Variants in GREB1L observed in about 807,000 individuals in gnomAD.
GREB1L encodes GREB1 like retinoic acid receptor coactivator.
GREB1L carries 17 observed loss-of-function variants against 200.8 expected under a neutral mutation model. That is an observed-to-expected ratio of 0.08 (90% CI 0.06 to 0.13). The LOEUF (loss-of-function observed/expected upper bound fraction) is 0.13, where lower values mean the gene tolerates loss of function less well. Among genes scored for constraint, GREB1L ranks in the 10% least tolerant of loss-of-function variants. The pLI is 1.00. For missense variants in GREB1L, 1,657 were observed against 2,367.7 expected, an observed-to-expected ratio of 0.70 and a Z score of 6.23; for synonymous variants, 789 against 893.0, an observed-to-expected ratio of 0.88 and a Z score of 2.08.
chr18:21,251,684 C>G (rs1431104416), intron 1 of GREB1L, among the ~76,000 whole-genome samples: 1 of 152,142 alleles, frequency 6.6e-6, no homozygotes, highest in African/African-American at 2.4e-5. Context: ...CGGTGGCTCA[C>G]ACCTGCAATC....
chr18:21,244,625 A>C (rs1331848288), intron 1 of GREB1L, among the ~76,000 whole-genome samples: 1 of 152,202 alleles, frequency 6.6e-6, no homozygotes, highest in East Asian at 1.9e-4. Context: ...TGGATGTTAG[A>C]CAGTGGGGCG....
At chr18:21,359,406 T>A (rs904396836) in intron 1 of GREB1L, among the ~76,000 whole-genome samples, 35 of 152,070 alleles carry the variant, frequency 2.3e-4, no homozygotes, top group African/African-American at 8.5e-4. Context: ...GCCGAGATTG[T>A]GCCATTGCAC....
intron 1 of GREB1L, among the ~76,000 whole-genome samples, chr18:21,344,709 G>A (rs16941100): frequency 0.2 from 30,185 of 152,150 alleles, 7,155 homozygotes; most frequent in African/African-American, 0.57. Context: ...ATACAACTTC[G>A]TAGGCCAGGT....
chr18:21,351,879 A>G (rs1242006421), intron 1 of GREB1L, among the ~76,000 whole-genome samples: 1 of 152,040 alleles, frequency 6.6e-6, no homozygotes, highest in Admixed American at 6.6e-5. Context: ...ACAGAGTCTC[A>G]ATCTGTCGCC....
intron 1 of GREB1L, among the ~76,000 whole-genome samples, chr18:21,321,694 A>C (rs1214042033): frequency 1.3e-5 from 2 of 152,170 alleles, no homozygotes; most frequent in Admixed American, 1.3e-4. Context: ...TCTCAAAAAA[A>C]ACAAAAACAA....
At chr18:21,435,835 AT>A (rs1302251486) in intron 7 of GREB1L, among the ~76,000 whole-genome samples, 5 of 152,172 alleles carry the variant, frequency 3.3e-5, no homozygotes, top group African/African-American at 7.2e-5. Context: ...GCATGGTTTG[AT>A]TTGAACTTGA....
In GREB1L at chr18:21,420,100, C is replaced by T. The variant is rs186473180; in HGVS notation, c.832+16106C>T. Among the ~76,000 whole-genome samples the T allele has an allele frequency of 5.3e-4, 80 of 152,208 alleles. 1 individual carries two copies. Among genetic ancestry groups the T allele is most frequent in the Middle Eastern group, 6.8e-3 (2 of 294 alleles). On this transcript the variant is annotated intron_variant, in intron 7 of 32. Coordinates refer to ENST00000424526, the MANE Select transcript of GREB1L (RefSeq NM_001142966.3). Reference sequence around the variant, plus strand: ...TGAAAAGACAAGCCACAGACGGGCGCGGTGGCTCACGCCTGTAATCCCAGC... The same window carrying T: ...TGAAAAGACAAGCCACAGACGGGCGTGGTGGCTCACGCCTGTAATCCCAGC...
intron 1 of GREB1L, among the ~76,000 whole-genome samples, chr18:21,305,804 A>G (rs1190030125): frequency 6.6e-6 from 1 of 151,846 alleles, no homozygotes; most frequent in Non-Finnish European, 1.5e-5. Flanking sequence ...CTTTCCTTTC[A>G]CTTACTGGCC....
chr18:21,384,544 C>T, intron 4 of GREB1L, 141 bp downstream of exon 4: 1 of 673,636 alleles, frequency 1.5e-6, no homozygotes, highest in Non-Finnish European at 2.5e-6. Context: ...TGCTCTCATT[C>T]ACATTATCTC....
intron 17 of GREB1L, among the ~76,000 whole-genome samples, chr18:21,479,341 C>A (rs72882851): frequency 6.6e-5 from 10 of 152,102 alleles, no homozygotes; most frequent in Non-Finnish European, 1.3e-4. Context: ...CCTTTATTTT[C>A]TCCTACCATG....
intron 1 of GREB1L, among the ~76,000 whole-genome samples, chr18:21,256,877 C>A (rs929711545): frequency 1.3e-5 from 2 of 151,926 alleles, no homozygotes; most frequent in African/African-American, 4.8e-5. Context: ...TGTTGGTACA[C>A]GCCTATAATC....
chr18:21,442,874 AGT>A (rs934770097), intron 10 of GREB1L, among the ~76,000 whole-genome samples: 1 of 151,972 alleles, frequency 6.6e-6, no homozygotes, highest in African/African-American at 2.4e-5. Flanking sequence ...AATCTCAGGA[AGT>A]GAAACATGTA....
intron 27 of GREB1L, 139 bp from the exon 28 acceptor site, chr18:21,513,682 G>A: frequency 1.4e-6 from 1 of 712,762 alleles, no homozygotes; most frequent in South Asian, 1.9e-5. Flanking sequence ...CCACTGCTCT[G>A]AACATTTGGT....
chr18:21,495,745 A>G lies in GREB1L; in HGVS notation c.3106A>G (p.Ile1036Val). The change falls in exon 20 of 33, where the codon ATA becomes GTA. Residue 1036 changes from isoleucine to valine, a missense_variant. By Grantham distance (29) the Ile-to-Val change is conservative. Around this residue, in one of 9 missense-constraint regions of GREB1L, gnomAD observed 512 missense variants for 668.3 expected, o/e 0.77. Coordinates refer to ENST00000424526, the MANE Select transcript of GREB1L (RefSeq NM_001142966.3). ...TTTAGACGGTCTACCTTGTATTGTG[A>G]TATTAACTGGCAAAGATCCTCTTGG... ...QDLDGLPCIV[I>V]LTGKDPLGET... 2 of 1,545,560 alleles carry G rather than the reference A, an allele frequency of 1.3e-6. No homozygotes were observed. The highest frequency in any genetic ancestry group is 4.9e-5 in the East Asian group (2 of 40,810).
intron 1 of GREB1L, among the ~76,000 whole-genome samples, chr18:21,353,039 G>A (rs1373572926): frequency 6.6e-6 from 1 of 151,848 alleles, no homozygotes; most frequent in Non-Finnish European, 1.5e-5. Flanking sequence ...AAAGTTAGCC[G>A]GGCATGGTGG....
At chr18:21,290,988 G>A (rs1453583050) in intron 1 of GREB1L, among the ~76,000 whole-genome samples, 1 of 152,114 alleles carries the variant, frequency 6.6e-6, no homozygotes, top group Non-Finnish European at 1.5e-5. Context: ...AGCAACGCTT[G>A]TCCTATAGGA....
At chr18:21,428,122 G>A (rs1218597962) in intron 7 of GREB1L, among the ~76,000 whole-genome samples, 6 of 147,862 alleles carry the variant, frequency 4.1e-5, no homozygotes, top group Non-Finnish European at 7.4e-5. Flanking sequence ...CCCGGGAAGC[G>A]GAGCTTGCAG....
At chr18:21,313,950 C>T (rs1187826192) in intron 1 of GREB1L, among the ~76,000 whole-genome samples, 4 of 152,064 alleles carry the variant, frequency 2.6e-5, no homozygotes, top group African/African-American at 9.7e-5. Context: ...TTTTTCCCTC[C>T]TAGACATGAA....
At chr18:21,435,208 T>C (rs145147711) in intron 7 of GREB1L, 2,338 of 152,780 alleles carry the variant, frequency 0.015, 36 homozygotes, top group Non-Finnish European at 0.019. Context: ...GAAGTGTGGC[T>C]GTCTATAATA....
Sources: allele counts gnomAD v4.1 joint callset (sites outside exome capture counted in the v4.1 genomes callset), GRCh38; gene constraint gnomAD v4.1.1; regional missense constraint gnomAD v4.1.1; transcripts MANE v1.5; gene names NCBI Gene and HGNC (gene_info 2026-07-23, HGNC 2026-07-21).